The following NLGN4X variants were observed in gnomAD, a reference collection of about 807,000 sequenced individuals.
The protein encoded by NLGN4X is neuroligin 4 X-linked.
NLGN4X carries 3 observed loss-of-function variants against 40.3 expected under a neutral mutation model. The ratio of observed to expected loss-of-function variants is 0.07; its 90% CI spans 0.03 to 0.19. NLGN4X has a LOEUF of 0.19. NLGN4X is among the 10% of genes least tolerant of loss of function. The pLI is 1.00. For missense variants in NLGN4X, 382 were observed against 708.3 expected, an observed-to-expected ratio of 0.54 and a Z score of 5.23; for synonymous variants, 270 against 306.8, an observed-to-expected ratio of 0.88 and a Z score of 1.25.
chrX:5,898,424 T>A (rs976295334), intron 5 of NLGN4X, among the ~76,000 whole-genome samples: 4 of 109,306 alleles, frequency 3.7e-5, no homozygotes, highest in African/African-American at 1.3e-4. Context: ...TCTGTGCTCA[T>A]CCCAAAACCA....
intron 3 of NLGN4X, among the ~76,000 whole-genome samples, chrX:5,998,988 G>A (rs931933612): frequency 4.5e-5 from 5 of 111,354 alleles, no homozygotes; most frequent in African/African-American, 1.6e-4. Context: ...TTGCCCACTC[G>A]GTGCTGTAGA....
rs1472610341 is a variant in NLGN4X at position 5,956,358 on chromosome X, A to T, written c.626-47119T>A. 2.7e-5 allele frequency among the ~76,000 whole-genome samples: 3 copies of T among 110,905 alleles called. 1 individual carries two copies. Among genetic ancestry groups the T allele is most frequent in the Non-Finnish European group, 5.7e-5 (3 of 53,052 alleles). On this transcript the variant is annotated intron_variant, in intron 3 of 5. Transcript: ENST00000381095. ...AGAGGCATAAACTGGTTTGTATGAC[A>T]CCAATTATATTCTAAGACATACACA... is the stretch of plus-strand genomic sequence containing the variant.
chrX:6,107,402 A>C (rs1336821704), intron 2 of NLGN4X, among the ~76,000 whole-genome samples: 2 of 111,430 alleles, frequency 1.8e-5, no homozygotes, highest in Non-Finnish European at 3.8e-5. Context: ...AACTAATAAG[A>C]GGTGAAAGAT....
At chrX:6,196,538 C>G (rs1473764867) in intron 1 of NLGN4X, among the ~76,000 whole-genome samples, 1 of 68,616 alleles carries the variant, frequency 1.5e-5, no homozygotes, top group Non-Finnish European at 2.5e-5. Flanking sequence ...GGCGACAGAG[C>G]GAGACTCTGT....
intron 2 of NLGN4X, among the ~76,000 whole-genome samples, chrX:6,104,850 T>C (rs2038998812): frequency 9.1e-6 from 1 of 110,274 alleles, no homozygotes. Context: ...GAGTTAGAGG[T>C]AGGAAAACAG....
chrX:5,906,952 C>T lies in NLGN4X; in HGVS notation c.811+2102G>A, dbSNP rs191693935. Among the ~76,000 whole-genome samples the T allele has an allele frequency of 4.5e-5, 5 of 110,755 alleles. No individual in the cohort carries two copies. The South Asian group carries it at 1.5e-3, about 34-fold the overall frequency. ...AAAATTAGCCGGGCACAGTGGTGGGCGCCTGTAATCCCAGCAACTCGGGAG... is the reference window on the plus strand; with the variant it reads ...AAAATTAGCCGGGCACAGTGGTGGGTGCCTGTAATCCCAGCAACTCGGGAG... On this transcript the variant is annotated intron_variant, in intron 4 of 5. Transcript: ENST00000381095.
chrX:6,180,390 G>A lies in NLGN4X; in HGVS notation c.-305-28619C>T, dbSNP rs758654782. Reference sequence around the variant, plus strand: ...AGATCTGGTTGTTTAAAAGTGTGCAGCACCTTGCCCCTCTCTCTCTCTTCC... The same window carrying A: ...AGATCTGGTTGTTTAAAAGTGTGCAACACCTTGCCCCTCTCTCTCTCTTCC... On this transcript the variant is annotated intron_variant, in intron 1 of 5. Coordinates refer to ENST00000381095, the MANE Select transcript of NLGN4X (RefSeq NM_181332.3). Among the ~76,000 whole-genome samples, 3 of 110,414 alleles carry A rather than the reference G, an allele frequency of 2.7e-5. No homozygotes were observed. The East Asian group carries it at 8.6e-4, about 32-fold the overall frequency.
At chrX:5,910,645 T>G (rs1247060521) in intron 3 of NLGN4X, among the ~76,000 whole-genome samples, 1 of 111,346 alleles carries the variant, frequency 9.0e-6, no homozygotes. Flanking sequence ...ACCAATTGAG[T>G]CAACCAGCAT....
intron 3 of NLGN4X, among the ~76,000 whole-genome samples, chrX:5,972,144 CAT>C (rs796277761): frequency 3.8e-5 from 4 of 105,879 alleles, no homozygotes; most frequent in Non-Finnish European, 7.6e-5. Flanking sequence ...GGCACACACA[CAT>C]ATGTATATGT....
chrX:6,124,753 T>G (rs1327541237), intron 2 of NLGN4X, among the ~76,000 whole-genome samples: 1 of 112,006 alleles, frequency 8.9e-6, no homozygotes, highest in Non-Finnish European at 1.9e-5. Context: ...GGTGGGTATC[T>G]ATGGAAACCT....
Position 5,892,994 on chromosome X carries a change from T to C in NLGN4X, c.2274A>G (p.Pro758=), listed in dbSNP as rs1227557777. 7.4e-6 allele frequency: 9 copies of C among 1,209,261 alleles called. No individual in the cohort carries two copies. The highest frequency in any genetic ancestry group is 1.0e-5 in the Non-Finnish European group (9 of 895,113). The stretch of plus-strand genomic sequence containing the variant: ...ACCGGCGCAGCGTGAGGGTGTAGTC[T>C]GGCGGGCAGGTGAGCCTCAGTGTGT... ...AHDTLRLTCP[P]DYTLTLRRSP... The change falls in exon 6 of 6, where the codon CCA becomes CCG. Residue 758 remains proline (P), a synonymous_variant. Transcript: ENST00000381095.
At chrX:5,904,666 A>T (rs1295454724) in intron 4 of NLGN4X, among the ~76,000 whole-genome samples, 2 of 112,317 alleles carry the variant, frequency 1.8e-5, no homozygotes, top group African/African-American at 6.5e-5. Flanking sequence ...TCAGTCTACT[A>T]CACGGATGTC....
intron 3 of NLGN4X, among the ~76,000 whole-genome samples, chrX:5,930,333 G>A (rs2033502333): frequency 8.9e-6 from 1 of 112,070 alleles, no homozygotes; most frequent in Admixed American, 9.5e-5. Flanking sequence ...CTGTGCAGTA[G>A]CACTTAAACG....
Position 5,984,925 on chromosome X carries a change from G to T in NLGN4X, c.625+44355C>A, listed in dbSNP as rs2035490258. Among the ~76,000 whole-genome samples the T allele has an allele frequency of 2.7e-5, 3 of 111,810 alleles. No homozygotes were observed. The South Asian group carries it at 1.1e-3, about 41-fold the overall frequency. On this transcript the variant is annotated intron_variant, in intron 3 of 5. Transcript: ENST00000381095. ...CAGATAAAAGTAGGAGGTACAAAAA[G>T]TAATGAAACATAAATAAAATAGTGT...
chrX:6,062,870 T>A (rs950098972), intron 2 of NLGN4X, among the ~76,000 whole-genome samples: 12 of 111,164 alleles, frequency 1.1e-4, no homozygotes, highest in African/African-American at 3.9e-4. Flanking sequence ...CTTTCCTTTA[T>A]AAATTCCCAA....
At chrX:6,139,864 A>G (rs1412610875) in intron 2 of NLGN4X, among the ~76,000 whole-genome samples, 1 of 111,916 alleles carries the variant, frequency 8.9e-6, no homozygotes, top group Non-Finnish European at 1.9e-5. Flanking sequence ...TAATTTTTAA[A>G]TGAGTTATCT....
intron 2 of NLGN4X, among the ~76,000 whole-genome samples, chrX:6,131,572 A>G (rs1230058859): frequency 1.8e-5 from 2 of 112,396 alleles, no homozygotes; most frequent in Non-Finnish European, 3.8e-5. Context: ...ATTAATCTCA[A>G]AAGGCAAATC....
At chrX:6,097,618 G>C (rs2147476275) in intron 2 of NLGN4X, among the ~76,000 whole-genome samples, 1 of 111,768 alleles carries the variant, frequency 8.9e-6, no homozygotes. Flanking sequence ...AAAAGAAATA[G>C]ATCGAATGTA....
chrX:6,222,933 G>A (rs922123694), intron 1 of NLGN4X, among the ~76,000 whole-genome samples: 2 of 111,603 alleles, frequency 1.8e-5, no homozygotes, highest in Non-Finnish European at 3.8e-5. Flanking sequence ...ATGATTGTAA[G>A]TTTCCTGAGG....
Sources: allele counts gnomAD v4.1 joint callset (sites outside exome capture counted in the v4.1 genomes callset), GRCh38; gene constraint gnomAD v4.1.1; transcripts MANE v1.5; gene names NCBI Gene and HGNC (gene_info 2026-07-23, HGNC 2026-07-21).